Variants in NPEPL1 observed in about 807,000 individuals in gnomAD.
NPEPL1 encodes the protein probable aminopeptidase NPEPL1.
Under a neutral mutation model 52.4 loss-of-function variants are expected in NPEPL1, and 45 were observed. The ratio of observed to expected loss-of-function variants is 0.86; its 90% confidence interval spans 0.68 to 1.10. The LOEUF is 1.10. NPEPL1 is among the 50% of genes least tolerant of loss of function. The pLI is 0.00. For synonymous variants in NPEPL1, 360 were observed against 314.7 expected (o/e 1.14, Z -1.52); for missense variants, 696 against 710.9 (o/e 0.98, Z 0.24).
In NPEPL1 at chr20:58,714,589, T is replaced by C. The variant is rs116074533; in HGVS notation, c.1332T>C (p.Ala444=). The stretch of plus-strand genomic sequence containing the variant: ...GAGACAACAGCCCCAGCTCCTGTGC[T>C]GGCCTCTTCATCGCCTCACACATCG... The part of the protein sequence containing the change: ...ADRDNSPSSC[A]GLFIASHIGF... The change falls in exon 11 of 12, where the codon GCT becomes GCC. Residue 444 remains alanine (A), a synonymous_variant. Transcript: ENST00000356091. The C allele has an allele frequency of 2.0e-3, 3,166 of 1,593,082 alleles. 59 individuals carry two copies. The African/African-American group carries it at 0.037, about 19-fold the overall frequency.
chr20:58,712,787 C>A, intron 8 of NPEPL1: 1 of 671,438 alleles, frequency 1.5e-6, no homozygotes, highest in Non-Finnish European at 2.7e-6. Flanking sequence ...GGATGAGGTG[C>A]TAGGCTCCCG....
upstream of NPEPL1, chr20:58,692,774 G>A: frequency 6.2e-6 from 6 of 964,700 alleles, no homozygotes; most frequent in Non-Finnish European, 7.4e-6. The surrounding 1 kb of genome is among the most constrained non-coding windows in gnomAD (Gnocchi z 5.7). Flanking sequence ...AGCGGCGGGG[G>A]AGGCGGGGCC....
intron 5 of NPEPL1, among the ~76,000 whole-genome samples, chr20:58,700,545 C>A (rs574464409): frequency 6.6e-6 from 1 of 152,328 alleles, no homozygotes; most frequent in East Asian, 1.9e-4. Context: ...TGCACACGCA[C>A]AGGCCACAGC....
intron 6 of NPEPL1, among the ~76,000 whole-genome samples, chr20:58,704,667 G>A (rs1226977986): frequency 6.6e-6 from 1 of 152,232 alleles, no homozygotes; most frequent in Admixed American, 6.5e-5. Flanking sequence ...TGCTTCCGAT[G>A]TAGTCTATGG....
At chr20:58,693,555 G>C (rs927673748) in intron 1 of NPEPL1, 182 bp from the exon 2 acceptor site, 5 of 551,574 alleles carry the variant, frequency 9.1e-6, no homozygotes, top group Admixed American at 7.1e-5. Context: ...AGCCAGCCTA[G>C]AGACAGTTAG....
intron 3 of NPEPL1, among the ~76,000 whole-genome samples, chr20:58,695,194 TGA>T (rs752311970): frequency 0.046 from 83 of 1,816 alleles, 1 homozygote; most frequent in Non-Finnish European, 0.083. Flanking sequence ...TTGTTGTGTG[TGA>T]GTACTGGTGT....
In NPEPL1 at chr20:58,712,601, C is replaced by T. The variant is rs538246068; in HGVS notation, c.1001+22C>T. On this transcript the variant is annotated intron_variant, in intron 8 of 11. Coordinates refer to ENST00000356091, the MANE Select transcript of NPEPL1 (RefSeq NM_024663.4). ...GGAAGTACGTCTGGCCCTCCCACTC[C>T]TTCCTGCCCACTGTTGGAACTCGCG... 14 of 1,536,798 alleles carry T rather than the reference C, an allele frequency of 9.1e-6. No individual in the cohort carries two copies. The Admixed American group carries it at 2.2e-4, about 24-fold the overall frequency.
chr20:58,701,608 G>A (rs1390348935), intron 6 of NPEPL1, among the ~76,000 whole-genome samples: 1 of 152,158 alleles, frequency 6.6e-6, no homozygotes, highest in Non-Finnish European at 1.5e-5. Context: ...CCCCGGAAAT[G>A]ACGGAAGAAA....
chr20:58,712,616 T>G (rs1219903002), intron 8 of NPEPL1, 37 bp downstream of exon 8: 1 of 1,459,820 alleles, frequency 6.9e-7, no homozygotes, highest in Non-Finnish European at 9.6e-7. Flanking sequence ...TGCCCACTGT[T>G]GGAACTCGCG....
At chr20:58,694,181 C>T (rs1014639774) in intron 2 of NPEPL1, among the ~76,000 whole-genome samples, 1 of 152,242 alleles carries the variant, frequency 6.6e-6, no homozygotes, top group South Asian at 2.1e-4. Context: ...CCCTCATTTT[C>T]ATGGCTGGTC....
At chr20:58,707,043 G>A (rs41310843) in intron 6 of NPEPL1, 80 bp from the exon 7 acceptor site, 16,636 of 1,404,694 alleles carry the variant, frequency 0.012, 125 homozygotes, top group Non-Finnish European at 0.015. Flanking sequence ...GCGTGGGGCC[G>A]GGTGGGGGTG....
At chr20:58,694,878 G>A (rs1036583001) in intron 3 of NPEPL1, among the ~76,000 whole-genome samples, 21 of 152,200 alleles carry the variant, frequency 1.4e-4, no homozygotes, top group African/African-American at 3.9e-4. Flanking sequence ...AACCCTGCCC[G>A]TTTATGTGAG....
chr20:58,715,010 C>T (rs2084925122), intron 11 of NPEPL1, 158 bp from the exon 12 acceptor site: 2 of 828,878 alleles, frequency 2.4e-6, no homozygotes, highest in South Asian at 3.6e-5. Flanking sequence ...CAGCCAGCAG[C>T]ATGGAAGGCT....
rs3040648 is a variant in NPEPL1 at position 58,712,112 on chromosome 20, C to CGTGTGT, written c.901-356_901-351dup. ...CTCTTCCTGCCCCTCTGTGTGTGTA[C>CGTGTGT]GTGTGTGTGTGTGTGTATTGAGGGG... On this transcript the variant is annotated intron_variant, in intron 7 of 11. Coordinates refer to ENST00000356091, the MANE Select transcript of NPEPL1 (RefSeq NM_024663.4). Among the ~76,000 whole-genome samples, 448 of 84,564 alleles carry CGTGTGT rather than the reference C, an allele frequency of 5.3e-3. 2 individuals are homozygous for CGTGTGT. Among genetic ancestry groups the CGTGTGT allele is most frequent in the African/African-American group, 0.012 (433 of 36,476 alleles). 55.5% of individuals were successfully genotyped at this position (84,564 alleles called of 152,430 possible).
At chr20:58,703,788 A>T in intron 6 of NPEPL1, 2 of 850,760 alleles carry the variant, frequency 2.4e-6, no homozygotes, top group Non-Finnish European at 2.7e-6. Context: ...ACAGCTGCAC[A>T]GCCTTCAGGG....
chr20:58,702,995 C>T (rs1222908317), intron 6 of NPEPL1, among the ~76,000 whole-genome samples: 2 of 152,194 alleles, frequency 1.3e-5, no homozygotes, highest in Admixed American at 1.3e-4. Context: ...AGTGAAGGAA[C>T]GCAGGTTCCG....
Position 58,713,571 on chromosome 20 carries a change from G to A in NPEPL1, c.1125+28G>A. ...GAGTGCTCCCTGGATCCACCCCTTA[G>A]CTGTAGTCCCAGGGAACCCCACCCC... On this transcript the variant is annotated intron_variant, in intron 9 of 11. Coordinates refer to ENST00000356091, the MANE Select transcript of NPEPL1 (RefSeq NM_024663.4). This position sits in a 1 kb window ranked among gnomAD's most constrained non-coding sequence, Gnocchi z 4.6. 1.3e-6 allele frequency: 2 copies of A among 1,562,478 alleles called. No homozygotes were observed. The highest frequency in any genetic ancestry group is 1.7e-4 in the Middle Eastern group (1 of 5,840).
rs762743626 is a variant in NPEPL1 at position 58,693,945 on chromosome 20, G to T, written c.336+23G>T. Reference sequence around the variant, plus strand: ...GTGGTGAGTGCTTCGAGAGGAGGCAGCCACGGTGCTCCTAGTCGGGCAGCG... The same window carrying T: ...GTGGTGAGTGCTTCGAGAGGAGGCATCCACGGTGCTCCTAGTCGGGCAGCG... On this transcript the variant is annotated intron_variant, in intron 2 of 11. Coordinates refer to ENST00000356091, the MANE Select transcript of NPEPL1 (RefSeq NM_024663.4). 1.3e-5 allele frequency: 20 copies of T among 1,537,208 alleles called. No individual in the cohort carries two copies. The South Asian group carries it at 2.4e-4, about 18-fold the overall frequency.
chr20:58,710,031 G>GTT (rs2084804629), intron 7 of NPEPL1, among the ~76,000 whole-genome samples: 1 of 111,778 alleles, frequency 8.9e-6, no homozygotes. Flanking sequence ...ATTGTTTGTG[G>GTT]CTTTTTTTTT....
Sources: allele counts gnomAD v4.1 joint callset (sites outside exome capture counted in the v4.1 genomes callset), GRCh38; gene constraint gnomAD v4.1.1; non-coding constraint Gnocchi (gnomAD v3.1); transcripts MANE v1.5; gene names NCBI Gene and HGNC (gene_info 2026-07-23, HGNC 2026-07-21).